The following TNS3 variants were observed in gnomAD, a reference collection of about 807,000 sequenced individuals.
The protein encoded by TNS3 is tensin 3, also known as tensin-3.
TNS3 carries 45 observed loss-of-function variants against 140.9 expected under a neutral mutation model. That is an observed-to-expected ratio of 0.32 (90% CI 0.25 to 0.41). The LOEUF (loss-of-function observed/expected upper bound fraction) is 0.41, where lower values mean the gene tolerates loss of function less well. Among genes scored for constraint, TNS3 ranks in the 10% least tolerant of loss-of-function variants. The probability of loss-of-function intolerance (pLI) is 1.00; values close to 1 mark genes in which losing one functional copy is unlikely to be tolerated. For synonymous variants in TNS3, 815 were observed against 788.4 expected (o/e 1.03, Z -0.56); for missense variants, 1,716 against 1,906.7 (o/e 0.90, Z 1.86).
At chr7:47,485,294 G>C (rs1036716777) in intron 3 of TNS3, among the ~76,000 whole-genome samples, 3 of 152,226 alleles carry the variant, frequency 2.0e-5, no homozygotes, top group African/African-American at 7.2e-5. Flanking sequence ...GAATCAGCTG[G>C]ATAAACACGA....
chr7:47,336,682 T>C (rs1027712934), intron 20 of TNS3, among the ~76,000 whole-genome samples: 4 of 152,174 alleles, frequency 2.6e-5, no homozygotes, highest in Admixed American at 6.5e-5. Context: ...GATGTGATTA[T>C]TACACATTGC....
intron 13 of TNS3, among the ~76,000 whole-genome samples, chr7:47,401,657 G>C (rs13240918): frequency 6.6e-6 from 1 of 152,200 alleles, no homozygotes; most frequent in Non-Finnish European, 1.5e-5. Context: ...TGTGGGGAAC[G>C]GTGGGCAGAG....
rs139591600 is a variant in TNS3, at chr7:47,503,954, C to T, written c.-115+2953G>A. Among the ~76,000 whole-genome samples, 1,207 of 152,218 alleles carry T rather than the reference C, an allele frequency of 7.9e-3. 21 individuals are homozygous for T. The highest frequency in any genetic ancestry group is 0.028 in the African/African-American group (1,143 of 41,514). ...CTCATTTATAGACACTCCACCCTCG[C>T]GACCTAATCATCTCCCCAAAGGCCT... On this transcript the variant is annotated intron_variant, in intron 3 of 30. Transcript: ENST00000311160.
intron 13 of TNS3, among the ~76,000 whole-genome samples, chr7:47,401,131 G>A (rs1240258671): frequency 6.6e-6 from 1 of 152,188 alleles, no homozygotes; most frequent in Non-Finnish European, 1.5e-5. Context: ...CTGGGTGCGG[G>A]GCTCCACTGG....
At chr7:47,473,734 T>C (rs996759308) in intron 4 of TNS3, among the ~76,000 whole-genome samples, 2 of 152,162 alleles carry the variant, frequency 1.3e-5, no homozygotes, top group Admixed American at 1.3e-4. Flanking sequence ...CAGACCCACA[T>C]AGGTCACCTG....
chr7:47,437,879 G>T (rs1451221564), intron 6 of TNS3, among the ~76,000 whole-genome samples: 1 of 150,744 alleles, frequency 6.6e-6, no homozygotes, highest in Non-Finnish European at 1.5e-5. Context: ...CCGATAGAGA[G>T]GTGGTACATG....
At chr7:47,477,142 T>C (rs568414072) in intron 4 of TNS3, among the ~76,000 whole-genome samples, 8 of 152,332 alleles carry the variant, frequency 5.3e-5, no homozygotes, top group East Asian at 3.9e-4. Flanking sequence ...AGTCCTGTCC[T>C]GGGATGTCGG....
chr7:47,481,146 C>A lies in TNS3; in HGVS notation c.-114-5G>T. 7.8e-7 allele frequency: 1 copy of A among 1,289,714 alleles called. No individual in the cohort carries two copies. Among genetic ancestry groups the A allele is most frequent in the Non-Finnish European group, 1.0e-6 (1 of 988,866 alleles). The allele number at this position is 1,289,714 out of a possible 1,614,324, so 79.9% of individuals were successfully genotyped here. A position where few individuals can be genotyped will look rare whatever the true frequency, so the allele number is the denominator to read the frequency against. On this transcript the variant is annotated splice_polypyrimidine_tract_variant and splice_region_variant and intron_variant, in intron 3 of 30. Transcript: ENST00000311160. Reference sequence around the variant, plus strand: ...CACACCGCAGGGAATCACCACCTTTCAAAGAGAGAAGAAACAGATAAGCAA... The same window carrying A: ...CACACCGCAGGGAATCACCACCTTTAAAAGAGAGAAGAAACAGATAAGCAA...
chr7:47,334,121 C>T (rs1040962794), intron 20 of TNS3, among the ~76,000 whole-genome samples: 1 of 152,158 alleles, frequency 6.6e-6, no homozygotes, highest in South Asian at 2.1e-4. Context: ...ACCCCTGTGT[C>T]CCCTCTTGTG....
intron 16 of TNS3, among the ~76,000 whole-genome samples, chr7:47,372,709 GC>G (rs1352836471): frequency 3.3e-5 from 5 of 152,146 alleles, no homozygotes; most frequent in Admixed American, 1.3e-4. Context: ...AATCCTGACA[GC>G]CCAGGTGGCG....
At chr7:47,396,044 T>C (rs926747971) in intron 16 of TNS3, among the ~76,000 whole-genome samples, 1 of 152,248 alleles carries the variant, frequency 6.6e-6, no homozygotes, top group Non-Finnish European at 1.5e-5. Flanking sequence ...TTTTAGCTAT[T>C]TTACATCTGG....
At chr7:47,386,402 C>T (rs983423179) in intron 16 of TNS3, among the ~76,000 whole-genome samples, 3 of 152,234 alleles carry the variant, frequency 2.0e-5, no homozygotes, top group Admixed American at 6.5e-5. Context: ...ATCAGTCTCT[C>T]GGGCCCTAGG....
At chr7:47,493,034 C>T (rs151023778) in intron 3 of TNS3, among the ~76,000 whole-genome samples, 1 of 152,328 alleles carries the variant, frequency 6.6e-6, no homozygotes, top group East Asian at 1.9e-4. Context: ...CAATAGCAGG[C>T]TCTTCATATC....
At chr7:47,302,102 C>T (rs750638451) in intron 23 of TNS3, 84 bp downstream of exon 23, 1 of 1,164,250 alleles carries the variant, frequency 8.6e-7, no homozygotes, top group Non-Finnish European at 1.3e-6. Context: ...CCCGATGTTC[C>T]CACCGCAGGG....
chr7:47,340,115 ATTTTTTTTTTTT>A (rs770520080), intron 20 of TNS3, among the ~76,000 whole-genome samples: 1 of 28,578 alleles, frequency 3.5e-5, no homozygotes, highest in African/African-American at 1.1e-4. Flanking sequence ...ATATATATAT[ATTTTTTTTTTTT>A]TTTTTTTTTT....
At chr7:47,551,597 A>G (rs1334697602) in intron 1 of TNS3, among the ~76,000 whole-genome samples, 1 of 152,224 alleles carries the variant, frequency 6.6e-6, no homozygotes, top group African/African-American at 2.4e-5. Context: ...TTGAAAAGTC[A>G]TTGGACAGTC....
intron 1 of TNS3, among the ~76,000 whole-genome samples, chr7:47,560,829 C>G (rs1390125847): frequency 6.6e-6 from 1 of 152,188 alleles, no homozygotes. Context: ...AACCCAGGCG[C>G]CACCAGATCC....
At chr7:47,451,446 T>C (rs982201014) in intron 4 of TNS3, among the ~76,000 whole-genome samples, 2 of 151,928 alleles carry the variant, frequency 1.3e-5, no homozygotes, top group African/African-American at 4.8e-5. Context: ...CCGGGCGTGG[T>C]GGTATGTGGC....
At chr7:47,284,737 C>G (rs1297315749) in intron 27 of TNS3, among the ~76,000 whole-genome samples, 2 of 152,246 alleles carry the variant, frequency 1.3e-5, no homozygotes, top group African/African-American at 4.8e-5. Flanking sequence ...ACATGTCCCT[C>G]TATGTGAGCA....
Sources: gnomAD v4.1 joint callset for allele counts (sites outside exome capture counted in the v4.1 genomes callset) on GRCh38, gnomAD v4.1.1 for gene constraint, MANE v1.5 for transcripts, NCBI Gene and HGNC (gene_info 2026-07-23, HGNC 2026-07-21) for gene names.